The following ATP8A1 variants were observed in gnomAD, a reference collection of about 807,000 sequenced individuals.
ATP8A1 encodes ATPase phospholipid transporting 8A1.
A neutral mutation model predicts 177.7 loss-of-function variants in ATP8A1; 90 were observed. The ratio of observed to expected loss-of-function variants is 0.51; its 90% CI spans 0.43 to 0.60. The LOEUF (loss-of-function observed/expected upper bound fraction) is 0.60, where lower values mean the gene tolerates loss of function less well. ATP8A1 is among the 20% of genes least tolerant of loss of function. The pLI is 0.00. For synonymous variants in ATP8A1, 493 were observed against 485.9 expected (o/e 1.01, Z -0.19); for missense variants, 1,072 against 1,392.8 (o/e 0.77, Z 3.67).
intron 1 of ATP8A1, among the ~76,000 whole-genome samples, chr4:42,642,303 G>T (rs1010314068): frequency 1.3e-5 from 2 of 152,110 alleles, no homozygotes; most frequent in Non-Finnish European, 2.9e-5. Flanking sequence ...ACACCCTAAC[G>T]AGACTCTGAG....
chr4:42,549,000 G>A lies in ATP8A1; in HGVS notation c.1652+13C>T. On this transcript the variant is annotated intron_variant, in intron 19 of 36. Transcript: ENST00000381668. ...TTATCTTATCCATACAAATCACTGA[G>A]CAGATGTTTTACCTGGTAAACTCCA... 1 of 1,597,892 alleles carries A rather than the reference G, an allele frequency of 6.3e-7. No homozygotes were observed. The highest frequency in any genetic ancestry group is 8.6e-7 in the Non-Finnish European group (1 of 1,169,248).
Position 42,464,922 on chromosome 4 carries a change from C to G in ATP8A1, c.2479G>C (p.Ala827Pro). The G allele has an allele frequency of 5.0e-6, 8 of 1,614,210 alleles. No individual in the cohort carries two copies. The highest frequency in any genetic ancestry group is 6.8e-6 in the Non-Finnish European group (8 of 1,180,020). Residue 827 changes from alanine to proline, a missense_variant, in exon 26 of 37, where the codon GCT (alanine) becomes CCT (proline). This residue lies in a region of ATP8A1 where 316 missense variants were observed against 459.1 expected (regional missense o/e 0.69). Transcript: ENST00000381668. ...GCTATGGAGTAGTCAGAGGAATTAGCTGCCTGCAGGCCTTCATTGCCACTG... is the reference window on the plus strand; with the variant it reads ...GCTATGGAGTAGTCAGAGGAATTAGGTGCCTGCAGGCCTTCATTGCCACTG... ...GISGNEGLQA[A>P]NSSDYSIAQF...
chr4:42,590,787 C>G lies in ATP8A1; in HGVS notation c.524+24G>C, dbSNP rs1460376214. ...ACGGTGAGGACCCACATACACGCAT[C>G]CTATACGACTCAGTGGTTCTAACCT... On this transcript the variant is annotated intron_variant, in intron 7 of 36. Coordinates refer to ENST00000381668, the MANE Select transcript of ATP8A1 (RefSeq NM_006095.2). 7.5e-6 allele frequency: 12 copies of G among 1,609,052 alleles called. No individual in the cohort carries two copies. The South Asian group carries it at 1.1e-4, about 15-fold the overall frequency.
chr4:42,598,164 T>G (rs1230703464), intron 6 of ATP8A1, among the ~76,000 whole-genome samples: 1 of 152,198 alleles, frequency 6.6e-6, no homozygotes, highest in Non-Finnish European at 1.5e-5. Flanking sequence ...GTACGTTTTC[T>G]AAAAACAACA....
chr4:42,515,928 G>C (rs1725482562), intron 22 of ATP8A1, among the ~76,000 whole-genome samples: 2 of 152,098 alleles, frequency 1.3e-5, no homozygotes, highest in African/African-American at 4.8e-5. Context: ...AAAATTATTG[G>C]CTTCTTTTCT....
chr4:42,591,321 GA>G (rs71200294), intron 6 of ATP8A1, among the ~76,000 whole-genome samples: 26,857 of 149,748 alleles, frequency 0.18, 2,524 homozygotes, highest in Non-Finnish European at 0.21. Flanking sequence ...ATAGGGTCTT[GA>G]AAAAAAAAGT....
chr4:42,496,366 A>G (rs1723273305), intron 24 of ATP8A1, among the ~76,000 whole-genome samples: 1 of 152,180 alleles, frequency 6.6e-6, no homozygotes, highest in Non-Finnish European at 1.5e-5. Flanking sequence ...AAAGCCTCCT[A>G]AACACTTATT....
intron 4 of ATP8A1, among the ~76,000 whole-genome samples, chr4:42,617,736 TAG>T (rs1378575310): frequency 6.6e-6 from 1 of 152,246 alleles, no homozygotes; most frequent in African/African-American, 2.4e-5. Context: ...AATTTAATCT[TAG>T]TGAAACCCAA....
chr4:42,651,541 C>CT (rs1450335987), intron 1 of ATP8A1, among the ~76,000 whole-genome samples: 1 of 152,186 alleles, frequency 6.6e-6, no homozygotes, highest in Non-Finnish European at 1.5e-5. Flanking sequence ...ACCATACACC[C>CT]TTTTCCGTTT....
At chr4:42,608,519 C>G (rs1000320701) in intron 5 of ATP8A1, among the ~76,000 whole-genome samples, 3 of 152,090 alleles carry the variant, frequency 2.0e-5, no homozygotes, top group African/African-American at 7.2e-5. Context: ...GCCACCACAC[C>G]TGGCTAATTT....
chr4:42,448,401 C>CTT (rs1226963744), intron 30 of ATP8A1, among the ~76,000 whole-genome samples: 1 of 99,572 alleles, frequency 1.0e-5, no homozygotes, highest in East Asian at 3.5e-4. Flanking sequence ...TCTTTCTTTT[C>CTT]TTTTTTTTTT....
chr4:42,576,381 C>T (rs1732446343), intron 12 of ATP8A1, among the ~76,000 whole-genome samples: 1 of 138,308 alleles, frequency 7.2e-6, no homozygotes, highest in Admixed American at 8.1e-5. Context: ...GAGGCTGAGG[C>T]AGGAGAATGG....
At chr4:42,652,521 G>T (rs1560566769) in intron 1 of ATP8A1, among the ~76,000 whole-genome samples, 1 of 151,984 alleles carries the variant, frequency 6.6e-6, no homozygotes, top group African/African-American at 2.4e-5. Flanking sequence ...TCTCTCTCCT[G>T]CCCTATGTTT....
chr4:42,564,684 G>A (rs1462362823), intron 15 of ATP8A1, among the ~76,000 whole-genome samples: 1 of 152,156 alleles, frequency 6.6e-6, no homozygotes, highest in Admixed American at 6.5e-5. Context: ...CAGGCTCATA[G>A]GCAGAAGGGA....
At chr4:42,536,359 G>A (rs1258839352) in intron 20 of ATP8A1, among the ~76,000 whole-genome samples, 16 of 152,086 alleles carry the variant, frequency 1.1e-4, no homozygotes. Context: ...AAAACCCAGA[G>A]GAGATGGACA....
At chr4:42,488,402 A>C (rs1442211204) in intron 24 of ATP8A1, among the ~76,000 whole-genome samples, 1 of 152,084 alleles carries the variant, frequency 6.6e-6, no homozygotes, top group Non-Finnish European at 1.5e-5. Context: ...TCCAGCAAAA[A>C]AAAAAACAAC....
At chr4:42,449,258 T>C (rs1717675159) in intron 30 of ATP8A1, among the ~76,000 whole-genome samples, 1 of 152,250 alleles carries the variant, frequency 6.6e-6, no homozygotes, top group African/African-American at 2.4e-5. Context: ...TTTATATGTA[T>C]GTTAATACTT....
At chr4:42,621,295 T>C (rs1006938911) in intron 4 of ATP8A1, among the ~76,000 whole-genome samples, 4 of 152,266 alleles carry the variant, frequency 2.6e-5, no homozygotes, top group African/African-American at 9.6e-5. Context: ...AAATGTTCAA[T>C]TGACCCATTC....
At chr4:42,607,634 T>C (rs1352235536) in intron 5 of ATP8A1, among the ~76,000 whole-genome samples, 1 of 35,696 alleles carries the variant, frequency 2.8e-5, no homozygotes, top group East Asian at 8.9e-4. Flanking sequence ...TTCTACAGGT[T>C]TTTTTTTTTT....
Sources: gnomAD v4.1 joint callset for allele counts (sites outside exome capture counted in the v4.1 genomes callset) on GRCh38, gnomAD v4.1.1 for gene constraint, gnomAD v4.1.1 regional missense constraint, MANE v1.5 for transcripts, NCBI Gene and HGNC (gene_info 2026-07-23, HGNC 2026-07-21) for gene names.